ZFHX3: variants seen among roughly 807,000 people sequenced by gnomAD.
ZFHX3 encodes the protein zinc finger homeobox protein 3.
A neutral mutation model predicts 279.1 loss-of-function variants in ZFHX3; 42 were observed. That is an observed-to-expected ratio of 0.15 (90% CI 0.12 to 0.19). The LOEUF (loss-of-function observed/expected upper bound fraction) is 0.19. ZFHX3 is among the 10% of genes least tolerant of loss of function. The pLI, the probability that ZFHX3 is intolerant of heterozygous loss-of-function variation, is 1.00. For missense variants in ZFHX3, 4,981 were observed against 4,754.0 expected (o/e 1.05, Z -1.40); for synonymous variants, 2,293 against 1,957.8 (o/e 1.17, Z -4.52).
rs565169291 is a variant in ZFHX3, at chr16:73,447,074, G to A, written c.-1291+8929C>T. On this transcript the variant is annotated intron_variant, in intron 3 of 17. Transcript: ENST00000641206. ...TGGGCACCTGTAGTCCCAGCTACTC[G>A]GGAGGCTGAGGCAGGAGAATGGCAT... is the stretch of plus-strand genomic sequence containing the variant. Among the ~76,000 whole-genome samples the A allele has an allele frequency of 7.2e-5, 11 of 151,748 alleles. No homozygotes were observed. In the East Asian group the frequency reaches 7.8e-4, roughly 11 times the overall value.
chr16:73,600,418 C>CT (rs34947000), intron 2 of ZFHX3, among the ~76,000 whole-genome samples: 38,747 of 119,482 alleles, frequency 0.32, 8,327 homozygotes, highest in African/African-American at 0.61. Flanking sequence ...GGTCTCTCTA[C>CT]TTTTTTTTTT....
intron 5 of ZFHX3, among the ~76,000 whole-genome samples, chr16:73,191,381 A>T (rs1310910932): frequency 1.3e-5 from 2 of 152,106 alleles, no homozygotes; most frequent in African/African-American, 4.8e-5. Context: ...ACTGAAGCGT[A>T]GCCTCAGGCT....
chr16:73,663,950 C>G (rs1479837773), intron 2 of ZFHX3, among the ~76,000 whole-genome samples: 2 of 152,190 alleles, frequency 1.3e-5, no homozygotes, highest in African/African-American at 2.4e-5. Context: ...AGCAGGCCAT[C>G]GAGCTCAGAG....
At chr16:73,871,670 A>G (rs777379567) in intron 1 of ZFHX3, among the ~76,000 whole-genome samples, 1 of 152,190 alleles carries the variant, frequency 6.6e-6, no homozygotes, top group Non-Finnish European at 1.5e-5. Context: ...ATGGAAAGCA[A>G]ATGTTTATCT....
intron 5 of ZFHX3, among the ~76,000 whole-genome samples, chr16:73,156,017 G>A (rs1303314557): frequency 6.6e-6 from 1 of 151,690 alleles, no homozygotes. Flanking sequence ...CGGATCACAA[G>A]GTCAGGAGAT....
chr16:73,462,740 C>G lies in ZFHX3; in HGVS notation c.-1546-6482G>C, dbSNP rs114683449. Among the ~76,000 whole-genome samples the G allele has an allele frequency of 3.0e-3, 453 of 152,172 alleles. 7 individuals are homozygous for G. The highest frequency in any genetic ancestry group is 0.011 in the African/African-American group (437 of 41,516). On this transcript the variant is annotated intron_variant, in intron 2 of 17. Transcript: ENST00000641206. ...ATTGATTGATTTTTCAATATCTAAC[C>G]AGTCTTACATCCCTATAATAAATGC...
At chr16:73,003,113 T>C (rs951969578) in intron 1 of ZFHX3, among the ~76,000 whole-genome samples, 1 of 152,200 alleles carries the variant, frequency 6.6e-6, no homozygotes, top group African/African-American at 2.4e-5. Context: ...GCATCTACCA[T>C]ATGGCTGCAC....
chr16:72,810,895 TA>T (rs1284653118), intron 7 of ZFHX3, among the ~76,000 whole-genome samples: 1 of 152,136 alleles, frequency 6.6e-6, no homozygotes, highest in Non-Finnish European at 1.5e-5. Flanking sequence ...TTTCTTTTTT[TA>T]AAGAGATAGA....
chr16:72,888,773 C>T (rs1194705767), intron 4 of ZFHX3, among the ~76,000 whole-genome samples: 1 of 152,148 alleles, frequency 6.6e-6, no homozygotes, highest in Non-Finnish European at 1.5e-5. Context: ...GCAGCGCCCT[C>T]CCAAGAGTGG....
At chr16:73,185,884 C>T (rs540256267) in intron 5 of ZFHX3, among the ~76,000 whole-genome samples, 32 of 152,136 alleles carry the variant, frequency 2.1e-4, no homozygotes, top group African/African-American at 6.8e-4. Flanking sequence ...GTGGTGCGCA[C>T]GCAAGTGAAG....
At chr16:73,260,997 T>G (rs2013809462) in intron 4 of ZFHX3, among the ~76,000 whole-genome samples, 1 of 152,168 alleles carries the variant, frequency 6.6e-6, no homozygotes, top group African/African-American at 2.4e-5. Context: ...GCACCTAACT[T>G]TTAACCTAGC....
Position 72,787,743 on chromosome 16 carries a change from A to T in ZFHX3, c.10533T>A (p.Gly3511=), listed in dbSNP as rs367610293. The T allele has an allele frequency of 1.5e-5, 21 of 1,376,228 alleles. No homozygotes were observed. The African/African-American group carries it at 2.5e-4, about 17-fold the overall frequency. The allele number at this position is 1,376,228 out of a possible 1,614,324, so 85.3% of individuals were successfully genotyped here. The change falls in exon 10 of 10, where the codon GGT becomes GGA. Residue 3511 remains glycine, a synonymous_variant. Coordinates refer to ENST00000268489, the MANE Select transcript of ZFHX3 (RefSeq NM_006885.4). ...CACCGCCGCCGCCGCCGCCACTGCC[A>T]CCGCCGCCGCCGCCGGTGGGGACGT... ...VLHVPTGGGG[G]GSGGGGGGGG...
intron 2 of ZFHX3, among the ~76,000 whole-genome samples, chr16:73,493,929 C>T (rs187208472): frequency 6.6e-6 from 1 of 152,164 alleles, no homozygotes; most frequent in African/African-American, 2.4e-5. Flanking sequence ...TCAAGTGCAC[C>T]CTAGACTGAA....
intron 1 of ZFHX3, among the ~76,000 whole-genome samples, chr16:73,693,653 C>T (rs191945917): frequency 2.8e-3 from 429 of 152,282 alleles, no homozygotes; most frequent in Non-Finnish European, 5.2e-3. Context: ...GTCTCATAAG[C>T]ACAAACTCGG....
chr16:73,851,856 T>A (rs960142316), intron 1 of ZFHX3, among the ~76,000 whole-genome samples: 1 of 152,150 alleles, frequency 6.6e-6, no homozygotes, highest in Non-Finnish European at 1.5e-5. Context: ...TCTTCCATAA[T>A]GGTCCCACCA....
intron 7 of ZFHX3, chr16:73,093,664 A>G: frequency 2.3e-6 from 1 of 431,174 alleles, no homozygotes; most frequent in South Asian, 1.7e-5. Flanking sequence ...ACAGTTCGCC[A>G]TTACAGCGCT....
intron 2 of ZFHX3, among the ~76,000 whole-genome samples, chr16:73,517,177 T>C (rs1283757951): frequency 6.6e-6 from 1 of 152,170 alleles, no homozygotes; most frequent in African/African-American, 2.4e-5. Context: ...AGTGACTGTA[T>C]TGTTCTACCG....
intron 4 of ZFHX3, among the ~76,000 whole-genome samples, chr16:72,875,961 T>A (rs111485441): frequency 2.0e-5 from 3 of 152,148 alleles, no homozygotes; most frequent in African/African-American, 7.2e-5. Context: ...TTTTTGACAA[T>A]TGAATTAATG....
chr16:72,797,182 C>T lies in ZFHX3; in HGVS notation c.5500G>A (p.Asp1834Asn). 6.2e-7 allele frequency: 1 copy of T among 1,614,050 alleles called. No individual in the cohort carries two copies. Among genetic ancestry groups the T allele is most frequent in the Non-Finnish European group, 8.5e-7 (1 of 1,180,020 alleles). The change falls in exon 9 of 10, where the codon GAT becomes AAT. Residue 1834 changes from aspartate (D) to asparagine (N), a missense_variant. Coordinates refer to ENST00000268489, the MANE Select transcript of ZFHX3 (RefSeq NM_006885.4). The stretch of plus-strand genomic sequence containing the variant: ...GGGACCTGAACCTGAGCCTTCAGAT[C>T]TTCCAGCAGGCCTGGGCCTGTCCCA... Reference protein sequence around the residue: ...LTGTGPGLLEDLKAQVQVPQQ... With the variant: ...LTGTGPGLLENLKAQVQVPQQ...
Sources: allele counts gnomAD v4.1 joint callset (sites outside exome capture counted in the v4.1 genomes callset), GRCh38; gene constraint gnomAD v4.1.1; transcripts MANE v1.5; gene names NCBI Gene and HGNC (gene_info 2026-07-23, HGNC 2026-07-21).